The following NRG3 variants were observed in gnomAD, a reference collection of about 807,000 sequenced individuals.
NRG3 encodes the protein pro-neuregulin-3, membrane-bound isoform.
A neutral mutation model predicts 66.9 loss-of-function variants in NRG3; 31 were observed. The observed-to-expected ratio is 0.46, with a 90% CI of 0.35 to 0.63. The LOEUF is 0.63. Ranked by LOEUF, NRG3 falls within the 20% of genes least tolerant of loss-of-function variation. NRG3 has a pLI of 0.00. For synonymous variants in NRG3, 393 were observed against 359.4 expected, an observed-to-expected ratio of 1.09 and a Z score of -1.06; for missense variants, 910 against 878.9, an observed-to-expected ratio of 1.04 and a Z score of -0.45.
intron 2 of NRG3, among the ~76,000 whole-genome samples, chr10:82,531,547 ATAAACAG>A (rs1847263010): frequency 6.6e-6 from 1 of 151,862 alleles, no homozygotes; most frequent in Non-Finnish European, 1.5e-5. Context: ...TTATTAATTA[ATAAACAG>A]TTATTTTTAA....
intron 1 of NRG3, among the ~76,000 whole-genome samples, chr10:82,235,249 A>G (rs1164538764): frequency 6.6e-6 from 1 of 152,220 alleles, no homozygotes; most frequent in Non-Finnish European, 1.5e-5. Flanking sequence ...CAAAAATATT[A>G]GTACTGAGTT....
At chr10:82,830,033 A>G (rs7069209) in intron 3 of NRG3, among the ~76,000 whole-genome samples, 39,496 of 152,084 alleles carry the variant, frequency 0.26, 5,355 homozygotes, top group African/African-American at 0.32. Context: ...GTATCTTCTC[A>G]TGGTGATCTT....
chr10:82,257,369 C>T (rs775899142), intron 1 of NRG3, among the ~76,000 whole-genome samples: 2 of 152,010 alleles, frequency 1.3e-5, no homozygotes, highest in Non-Finnish European at 2.9e-5. Context: ...AAAAGGCCTT[C>T]AATTCATGTT....
Position 82,079,498 on chromosome 10 carries a change from A to G in NRG3, c.823+203335A>G, listed in dbSNP as rs1035683109. 7.1e-4 allele frequency among the ~76,000 whole-genome samples: 108 copies of G among 152,186 alleles called. 7 individuals carry two copies. Among genetic ancestry groups the G allele is most frequent in the Non-Finnish European group, 1.5e-5 (1 of 68,036 alleles). On this transcript the variant is annotated intron_variant, in intron 1 of 8. Coordinates refer to ENST00000372141, the MANE Select transcript of NRG3 (RefSeq NM_001010848.4). ...TTGTTATTATTATTACCCAGAATCC[A>G]TAGTTGACATTAGGGTTCACTCTAG...
chr10:82,677,436 G>C (rs891259287), intron 2 of NRG3, among the ~76,000 whole-genome samples: 1 of 151,936 alleles, frequency 6.6e-6, no homozygotes, highest in African/African-American at 2.4e-5. Context: ...TGCACTTTTT[G>C]GTACTGACAC....
intron 1 of NRG3, among the ~76,000 whole-genome samples, chr10:82,284,437 A>G (rs1052632932): frequency 6.6e-6 from 1 of 152,202 alleles, no homozygotes; most frequent in Non-Finnish European, 1.5e-5. Flanking sequence ...TGTCATCCCC[A>G]TGGGTTAAAC....
Position 82,381,017 on chromosome 10 carries a change from G to C in NRG3, c.953+22149G>C, listed in dbSNP as rs144705075. On this transcript the variant is annotated intron_variant, in intron 2 of 8. Coordinates refer to ENST00000372141, the MANE Select transcript of NRG3 (RefSeq NM_001010848.4). ...AGAGGTATAATATTAAATGCAAAAA[G>C]CAAGATTTGTAAGAAGATGCAGTAT... Among the ~76,000 whole-genome samples the C allele has an allele frequency of 4.5e-3, 687 of 152,190 alleles. 11 individuals are homozygous for C. Among genetic ancestry groups the C allele is most frequent in the African/African-American group, 0.016 (667 of 41,538 alleles).
chr10:82,200,613 CA>C (rs2074748543), intron 1 of NRG3, among the ~76,000 whole-genome samples: 1 of 152,066 alleles, frequency 6.6e-6, no homozygotes, highest in Admixed American at 6.6e-5. Context: ...TCTATCTTTA[CA>C]ACAAACCTAT....
At chr10:82,213,194 A>AC (rs1236009896) in intron 1 of NRG3, among the ~76,000 whole-genome samples, 3 of 152,310 alleles carry the variant, frequency 2.0e-5, no homozygotes, top group African/African-American at 7.2e-5. Flanking sequence ...GGGCACAAGC[A>AC]CCCTCAACCT....
intron 3 of NRG3, among the ~76,000 whole-genome samples, chr10:82,843,687 C>T (rs1022603655): frequency 6.6e-6 from 1 of 152,056 alleles, no homozygotes; most frequent in Non-Finnish European, 1.5e-5. Context: ...TTAAAAGAAA[C>T]ACCCTTCAAT....
At chr10:81,886,430 A>G (rs1471744251) in intron 1 of NRG3, among the ~76,000 whole-genome samples, 1 of 152,294 alleles carries the variant, frequency 6.6e-6, no homozygotes, top group Non-Finnish European at 1.5e-5. Flanking sequence ...AACATAAGTC[A>G]CTTTAAAAAA....
intron 2 of NRG3, among the ~76,000 whole-genome samples, chr10:82,555,331 A>G (rs2132940880): frequency 6.6e-6 from 1 of 152,274 alleles, no homozygotes; most frequent in South Asian, 2.1e-4. Flanking sequence ...CATCCAAAAG[A>G]GCAGAACATT....
intron 1 of NRG3, among the ~76,000 whole-genome samples, chr10:81,974,257 A>G (rs972242754): frequency 6.6e-6 from 1 of 152,134 alleles, no homozygotes; most frequent in Non-Finnish European, 1.5e-5. Flanking sequence ...ATTCTGCTCC[A>G]TTGATCTATG....
chr10:82,068,066 C>T (rs140895822), intron 1 of NRG3, among the ~76,000 whole-genome samples: 83 of 152,190 alleles, frequency 5.5e-4, no homozygotes, highest in Middle Eastern at 6.8e-3. Flanking sequence ...TTTCCTGCGT[C>T]GAAGAATGGT....
At chr10:82,593,701 T>A (rs1268056639) in intron 2 of NRG3, among the ~76,000 whole-genome samples, 1 of 152,066 alleles carries the variant, frequency 6.6e-6, no homozygotes, top group South Asian at 2.1e-4. Flanking sequence ...TTGGAAAAAA[T>A]AGATACCTAC....
intron 2 of NRG3, among the ~76,000 whole-genome samples, chr10:82,505,450 T>A (rs1017040183): frequency 6.6e-6 from 1 of 152,224 alleles, no homozygotes; most frequent in East Asian, 1.9e-4. Flanking sequence ...GCCAGTGGAC[T>A]GTGAGCCCTG....
At chr10:82,792,854 G>T (rs1296933758) in intron 3 of NRG3, among the ~76,000 whole-genome samples, 1 of 151,802 alleles carries the variant, frequency 6.6e-6, no homozygotes, top group Non-Finnish European at 1.5e-5. Flanking sequence ...CTAATTTTTT[G>T]TATTTTTAGT....
At chr10:82,582,689 T>C (rs1052556295) in intron 2 of NRG3, among the ~76,000 whole-genome samples, 8 of 151,792 alleles carry the variant, frequency 5.3e-5, no homozygotes, top group African/African-American at 1.9e-4. Flanking sequence ...TGTGTGTGTG[T>C]GTGTGTGTGT....
At chr10:82,741,581 T>G (rs2134790769) in intron 3 of NRG3, among the ~76,000 whole-genome samples, 1 of 152,306 alleles carries the variant, frequency 6.6e-6, no homozygotes, top group African/African-American at 2.4e-5. Flanking sequence ...TTACATGGAT[T>G]ATTTTATTAA....
Sources: gnomAD v4.1 joint callset for allele counts (sites outside exome capture counted in the v4.1 genomes callset) on GRCh38, gnomAD v4.1.1 for gene constraint, MANE v1.5 for transcripts, NCBI Gene and HGNC (gene_info 2026-07-23, HGNC 2026-07-21) for gene names.